The following DYNC2I1 variants were observed in gnomAD, a reference collection of about 807,000 sequenced individuals.
DYNC2I1 encodes the protein cytoplasmic dynein 2 intermediate chain 1.
In DYNC2I1, 89 loss-of-function variants were observed where a neutral mutation model predicts 133.4. That is an observed-to-expected ratio of 0.67 (90% CI 0.56 to 0.80). The LOEUF (loss-of-function observed/expected upper bound fraction) is 0.80. DYNC2I1 is among the 30% of genes least tolerant of loss of function. The pLI, the probability that DYNC2I1 is intolerant of heterozygous loss-of-function variation, is 0.00. For missense variants in DYNC2I1, 1,291 were observed against 1,314.5 expected, an observed-to-expected ratio of 0.98 and a Z score of 0.28; for synonymous variants, 504 against 484.3, an observed-to-expected ratio of 1.04 and a Z score of -0.54.
chr7:158,868,210 G>A (rs1295823362), intron 1 of DYNC2I1, among the ~76,000 whole-genome samples: 4 of 152,214 alleles, frequency 2.6e-5, no homozygotes, highest in Admixed American at 1.3e-4. Context: ...TTAAGACCAC[G>A]GCACCTTGTT....
At position 158,915,838 on chromosome 7, in the gene DYNC2I1, A is replaced by C. The variant is rs62476482; in HGVS notation, c.1791+1517A>C. Among the ~76,000 whole-genome samples the C allele has an allele frequency of 4.7e-4, 12 of 25,594 alleles. No homozygotes were observed. In the Admixed American group the frequency reaches 4.9e-3, roughly 11 times the overall value. 16.8% of individuals were successfully genotyped at this position (25,594 alleles called of 152,430 possible). On this transcript the variant is annotated intron_variant, in intron 14 of 24. Coordinates refer to ENST00000407559, the MANE Select transcript of DYNC2I1 (RefSeq NM_018051.5). Reference sequence around the variant, plus strand: ...ACATTAAGGATGATTGTGAAACGTCAACACGCTGGTTGACATTAAGGATGA... The same window carrying C: ...ACATTAAGGATGATTGTGAAACGTCCACACGCTGGTTGACATTAAGGATGA...
At chr7:158,928,609 T>C (rs1008646213) in intron 20 of DYNC2I1, among the ~76,000 whole-genome samples, 9 of 152,202 alleles carry the variant, frequency 5.9e-5, no homozygotes, top group African/African-American at 2.2e-4. Context: ...GTATTCTTTA[T>C]GCGGCACCCT....
intron 23 of DYNC2I1, among the ~76,000 whole-genome samples, chr7:158,938,002 A>G (rs1408746946): frequency 6.6e-6 from 1 of 152,246 alleles, no homozygotes; most frequent in East Asian, 1.9e-4. Flanking sequence ...GACCAAATCT[A>G]AGAATTATTG....
intron 2 of DYNC2I1, among the ~76,000 whole-genome samples, chr7:158,870,405 G>A (rs547152510): frequency 6.6e-6 from 1 of 152,074 alleles, no homozygotes; most frequent in Non-Finnish European, 1.5e-5. Flanking sequence ...CTAGGCCGGA[G>A]TGCAGTGGCG....
At chr7:158,920,111 G>A (rs1229158208) in intron 15 of DYNC2I1, among the ~76,000 whole-genome samples, 1 of 151,754 alleles carries the variant, frequency 6.6e-6, no homozygotes, top group African/African-American at 2.4e-5. Flanking sequence ...AACACGTGAA[G>A]TGTGTGTGTG....
the DYNC2I1 span, among the ~76,000 whole-genome samples, chr7:158,841,217 A>T: frequency 0.029 from 2,002 of 69,002 alleles, 110 homozygotes; most frequent in South Asian, 0.053. Context: ...ATATATATAT[A>T]TATATTTTAG....
In DYNC2I1 at chr7:158,942,122, C is replaced by T. The variant is rs34634437; in HGVS notation, c.2976C>T (p.Val992=). 0.16 allele frequency: 257,657 copies of T among 1,564,402 alleles called. 23,084 individuals carry two copies. Among genetic ancestry groups the T allele is most frequent in the Non-Finnish European group, 0.18 (208,299 of 1,151,384 alleles). The stretch of plus-strand genomic sequence containing the variant: ...TCCTCCAGAGCGATCTGGGTCCTGT[C>T]GCCAAACAGCAGGTCTCCCCCAACA... ...WDLLQSDLGP[V]AKQQVSPNRL... The change falls in exon 24 of 25, where the codon GTC becomes GTT. Residue 992 remains valine, a synonymous_variant. Coordinates refer to ENST00000407559, the MANE Select transcript of DYNC2I1 (RefSeq NM_018051.5).
At position 158,945,936 on chromosome 7, in the gene DYNC2I1, G is replaced by A. The variant is rs772530968; in HGVS notation, c.*157G>A. On this transcript the variant is annotated 3_prime_UTR_variant, in exon 25 of 25. Coordinates refer to ENST00000407559, the MANE Select transcript of DYNC2I1 (RefSeq NM_018051.5). This position sits in a 1 kb window ranked among gnomAD's most constrained non-coding sequence, Gnocchi z 4.1. The stretch of plus-strand genomic sequence containing the variant: ...CATGAATATGTCTTTGGTATTCCCA[G>A]TAAATAGATGACTACTTTTGAGTGG... 4 of 735,180 alleles carry A rather than the reference G, an allele frequency of 5.4e-6. No homozygotes were observed. Among genetic ancestry groups the A allele is most frequent in the Non-Finnish European group, 7.8e-6 (4 of 515,708 alleles). The allele number at this position is 735,180 out of a possible 1,614,324, so 45.5% of individuals were successfully genotyped here.
In DYNC2I1 at chr7:158,942,046, C is replaced by T; in HGVS notation, c.2900C>T (p.Pro967Leu). Residue 967 changes from proline (P) to leucine (L), a missense_variant, in exon 24 of 25, where the codon CCT becomes CTT. By Grantham distance (98) the Pro-to-Leu change is moderately conservative. Transcript: ENST00000407559. The part of the protein sequence containing the change: ...VTGLQWSPTR[P>L]AVFLVQDDTS... ...GGCCTGCAGTGGTCCCCAACCAGGC[C>T]TGCCGTGTTCCTGGTGCAGGACGAC... 6.2e-7 allele frequency: 1 copy of T among 1,613,226 alleles called. No individual in the cohort carries two copies. The highest frequency in any genetic ancestry group is 8.5e-7 in the Non-Finnish European group (1 of 1,179,604).
intron 12 of DYNC2I1, among the ~76,000 whole-genome samples, chr7:158,912,637 C>G (rs956897938): frequency 6.6e-6 from 1 of 152,106 alleles, no homozygotes; most frequent in Non-Finnish European, 1.5e-5. Context: ...TTTTCCTCAT[C>G]ATAAAGCTGT....
chr7:158,842,753 G>A, the DYNC2I1 span, among the ~76,000 whole-genome samples: 1 of 152,228 alleles, frequency 6.6e-6, no homozygotes, highest in African/African-American at 2.4e-5. Context: ...TTTCTGTAAG[G>A]CAAAGAGCTG....
In DYNC2I1 at chr7:158,945,771, C is replaced by T. The variant is rs368795427; in HGVS notation, c.3193C>T (p.His1065Tyr). ...AGCCCTGTGGCCAGAGGGAAAACTG[C>T]ACAAGTAGCGGGTGTGGCTGAGAGG... is the stretch of plus-strand genomic sequence containing the variant. ...QEALWPEGKL[H>Y]K The change falls in exon 25 of 25, where the codon CAC (histidine) becomes TAC (tyrosine). Residue 1065 changes from histidine (H) to tyrosine (Y), a missense_variant. By Grantham distance (83) the His-to-Tyr change is moderately conservative. Coordinates refer to ENST00000407559, the MANE Select transcript of DYNC2I1 (RefSeq NM_018051.5). This position sits in a 1 kb window ranked among gnomAD's most constrained non-coding sequence, Gnocchi z 4.1. 4.5e-6 allele frequency: 7 copies of T among 1,563,364 alleles called. No homozygotes were observed. The African/African-American group carries it at 6.8e-5, about 15-fold the overall frequency.
intron 4 of DYNC2I1, among the ~76,000 whole-genome samples, chr7:158,954,423 T>C (rs1454778701): frequency 6.6e-6 from 1 of 152,214 alleles, no homozygotes; most frequent in African/African-American, 2.4e-5. Flanking sequence ...GGTGGGCAGA[T>C]CACTTGAGTC....
upstream of DYNC2I1, among the ~76,000 whole-genome samples, chr7:158,855,552 A>C (rs2129475295): frequency 6.6e-6 from 1 of 152,340 alleles, no homozygotes; most frequent in Non-Finnish European, 1.5e-5. Context: ...CCAGGCAAGA[A>C]GGCCTGCTTT....
intron 4 of DYNC2I1, among the ~76,000 whole-genome samples, chr7:158,879,126 T>C (rs1318681173): frequency 6.6e-6 from 1 of 152,052 alleles, no homozygotes; most frequent in African/African-American, 2.4e-5. Flanking sequence ...AGAGTTACTG[T>C]GTGGCGTTGG....
intron 10 of DYNC2I1, 143 bp from the exon 11 acceptor site, chr7:158,905,846 C>T: frequency 1.5e-6 from 1 of 645,468 alleles, no homozygotes; most frequent in East Asian, 2.8e-5. Flanking sequence ...CTCTCAAATG[C>T]TTATGAAAGA....
chr7:158,936,311 A>C (rs899798599), intron 23 of DYNC2I1, among the ~76,000 whole-genome samples: 2 of 152,212 alleles, frequency 1.3e-5, no homozygotes, highest in Admixed American at 6.5e-5. Flanking sequence ...CATAGCACCA[A>C]GATCTTCACC....
intron 15 of DYNC2I1, 110 bp from the exon 16 acceptor site, chr7:158,922,267 G>A (rs1167032014): frequency 4.5e-6 from 5 of 1,101,760 alleles, no homozygotes; most frequent in Non-Finnish European, 6.6e-6. Context: ...AAAGGACCAC[G>A]TTTGTTTCTT....
Position 158,939,141 on chromosome 7 carries a change from G to T in DYNC2I1, c.2779-2784G>T, listed in dbSNP as rs555307323. ...AGTTGTTATCTCTTTAAAATAACTT[G>T]TTTTAGGGCTGGGTGCTGGGGCTTA... On this transcript the variant is annotated intron_variant, in intron 23 of 24. Transcript: ENST00000407559. 9.9e-5 allele frequency among the ~76,000 whole-genome samples: 15 copies of T among 152,104 alleles called. No individual in the cohort carries two copies. In the East Asian group the frequency reaches 2.5e-3, roughly 26 times the overall value.
Sources: gnomAD v4.1 joint callset for allele counts (sites outside exome capture counted in the v4.1 genomes callset) on GRCh38, gnomAD v4.1.1 for gene constraint, Gnocchi (gnomAD v3.1) non-coding constraint, MANE v1.5 for transcripts, NCBI Gene and HGNC (gene_info 2026-07-23, HGNC 2026-07-21) for gene names.